The following KCNT2 variants were observed in gnomAD, a reference collection of about 807,000 sequenced individuals.
The protein encoded by KCNT2 is potassium sodium-activated channel subfamily T member 2.
KCNT2 carries 67 observed loss-of-function variants against 153.8 expected under a neutral mutation model. That is an observed-to-expected ratio of 0.44 (90% CI 0.36 to 0.53). The LOEUF (loss-of-function observed/expected upper bound fraction) is 0.53. KCNT2 is among the 20% of genes least tolerant of loss of function. The probability of loss-of-function intolerance (pLI) is 0.00; values close to 1 mark genes in which losing one functional copy is unlikely to be tolerated. For missense variants in KCNT2, 975 were observed against 1,354.8 expected (o/e 0.72, Z 4.40); for synonymous variants, 500 against 458.8 (o/e 1.09, Z -1.15).
chr1:196,374,531 CT>C (rs1348212644), intron 13 of KCNT2, among the ~76,000 whole-genome samples: 3 of 151,738 alleles, frequency 2.0e-5, no homozygotes, highest in Non-Finnish European at 4.4e-5. Flanking sequence ...GATAATCTCT[CT>C]CCCCACACCC....
chr1:196,435,571 C>G (rs752357128), intron 8 of KCNT2, among the ~76,000 whole-genome samples: 1 of 151,416 alleles, frequency 6.6e-6, no homozygotes, highest in Non-Finnish European at 1.5e-5. Context: ...ATGTCAATAA[C>G]GTATTTCAAA....
intron 1 of KCNT2, among the ~76,000 whole-genome samples, chr1:196,533,621 C>T (rs929334332): frequency 2.0e-5 from 3 of 152,108 alleles, no homozygotes; most frequent in East Asian, 1.9e-4. Context: ...GGTTAGAAAT[C>T]GAGGGATTCT....
At chr1:196,603,026 T>A (rs1664929247) in intron 1 of KCNT2, among the ~76,000 whole-genome samples, 1 of 151,844 alleles carries the variant, frequency 6.6e-6, no homozygotes, top group East Asian at 1.9e-4. Flanking sequence ...GACCTCATGA[T>A]CCACCCGCCT....
chr1:196,534,114 G>A (rs1393428083), intron 1 of KCNT2, among the ~76,000 whole-genome samples: 1 of 152,016 alleles, frequency 6.6e-6, no homozygotes, highest in Admixed American at 6.6e-5. Context: ...AAAAAAAAAG[G>A]AAGAATCTTT....
At chr1:196,281,825 C>G (rs961529850) in intron 24 of KCNT2, among the ~76,000 whole-genome samples, 4 of 150,868 alleles carry the variant, frequency 2.7e-5, no homozygotes, top group African/African-American at 7.3e-5. Flanking sequence ...GGCGCGATCT[C>G]GGCTCACTGC....
At chr1:196,602,344 A>G (rs1483195277) in intron 1 of KCNT2, among the ~76,000 whole-genome samples, 1 of 152,230 alleles carries the variant, frequency 6.6e-6, no homozygotes, top group Non-Finnish European at 1.5e-5. Flanking sequence ...AATATGACAT[A>G]GGCAATACAT....
At chr1:196,326,693 T>TTG in intron 19 of KCNT2, 24 bp downstream of exon 19, 1 of 1,385,640 alleles carries the variant, frequency 7.2e-7, no homozygotes, top group Non-Finnish European at 9.7e-7. Flanking sequence ...TTTATCTTGT[T>TTG]TGTGTATCTT....
At chr1:196,330,514 C>T (rs1664352947) in intron 18 of KCNT2, among the ~76,000 whole-genome samples, 1 of 151,718 alleles carries the variant, frequency 6.6e-6, no homozygotes, top group South Asian at 2.1e-4. Flanking sequence ...TCTCCAGGGG[C>T]AGTAAATATA....
chr1:196,472,084 T>C (rs1049107105), intron 5 of KCNT2, among the ~76,000 whole-genome samples: 1 of 152,168 alleles, frequency 6.6e-6, no homozygotes, highest in Non-Finnish European at 1.5e-5. Context: ...GCTGGAATAT[T>C]ACACCTCCAC....
At chr1:196,337,933 T>A (rs1665197005) in intron 16 of KCNT2, among the ~76,000 whole-genome samples, 3 of 152,138 alleles carry the variant, frequency 2.0e-5, no homozygotes. Flanking sequence ...CTAGGGATCT[T>A]TGTTTCTTCA....
At chr1:196,398,248 C>T (rs867896300) in intron 13 of KCNT2, among the ~76,000 whole-genome samples, 2 of 151,358 alleles carry the variant, frequency 1.3e-5, no homozygotes, top group African/African-American at 4.8e-5. Context: ...GTAGATATGG[C>T]ACTTGAAATT....
At chr1:196,411,887 C>T (rs1343281820) in intron 12 of KCNT2, among the ~76,000 whole-genome samples, 1 of 151,658 alleles carries the variant, frequency 6.6e-6, no homozygotes, top group Non-Finnish European at 1.5e-5. Flanking sequence ...TATAGATATG[C>T]TCCTATGGAA....
intron 21 of KCNT2, among the ~76,000 whole-genome samples, chr1:196,307,757 T>C (rs374249935): frequency 6.6e-6 from 1 of 152,018 alleles, no homozygotes; most frequent in East Asian, 1.9e-4. Context: ...CCCATGATAG[T>C]GCATTCAATA....
chr1:196,276,149 G>A (rs753285211), intron 25 of KCNT2, among the ~76,000 whole-genome samples: 5 of 151,806 alleles, frequency 3.3e-5, no homozygotes, highest in Non-Finnish European at 7.4e-5. Flanking sequence ...GTCATTAACA[G>A]TCTTTTCCAT....
At chr1:196,350,326 G>T (rs1260628891) in intron 14 of KCNT2, among the ~76,000 whole-genome samples, 1 of 152,178 alleles carries the variant, frequency 6.6e-6, no homozygotes, top group Non-Finnish European at 1.5e-5. Context: ...CCCACCAACA[G>T]TGTAAAAGTG....
At chr1:196,608,096 G>A in intron 1 of KCNT2, 119 bp downstream of exon 1, 1 of 844,650 alleles carries the variant, frequency 1.2e-6, no homozygotes, top group Non-Finnish European at 2.1e-6. Flanking sequence ...CCCTCCCCCA[G>A]CCTAGTCTCC....
intron 1 of KCNT2, among the ~76,000 whole-genome samples, chr1:196,560,667 A>G (rs1332530238): frequency 1.3e-5 from 2 of 150,868 alleles, no homozygotes; most frequent in East Asian, 4.0e-4. Context: ...AAGTGGCAAA[A>G]TGACTTCCTG....
chr1:196,499,395 G>A (rs1424479909), intron 1 of KCNT2, among the ~76,000 whole-genome samples: 1 of 152,148 alleles, frequency 6.6e-6, no homozygotes, highest in Non-Finnish European at 1.5e-5. Flanking sequence ...ACTCCATAAG[G>A]GCAAGGGCCA....
At chr1:196,336,978 G>A (rs1051567275) in intron 16 of KCNT2, among the ~76,000 whole-genome samples, 9 of 151,576 alleles carry the variant, frequency 5.9e-5, no homozygotes, top group Admixed American at 6.6e-5. Flanking sequence ...TTTCCTGCCT[G>A]TACTCATTTC....
Sources: gnomAD v4.1 joint callset for allele counts (sites outside exome capture counted in the v4.1 genomes callset) on GRCh38, gnomAD v4.1.1 for gene constraint, MANE v1.5 for transcripts, NCBI Gene and HGNC (gene_info 2026-07-23, HGNC 2026-07-21) for gene names.